Variants in LRP1B observed in about 807,000 individuals in gnomAD.
LRP1B encodes low-density lipoprotein receptor-related protein 1B.
In LRP1B, 217 loss-of-function variants were observed where a neutral mutation model predicts 556.6. The observed-to-expected ratio is 0.39, with a 90% CI of 0.35 to 0.44. LRP1B has a LOEUF of 0.44. Among genes scored for constraint, LRP1B ranks in the 20% least tolerant of loss-of-function variants. The pLI is 1.00. For synonymous variants in LRP1B, 2,047 were observed against 1,865.8 expected (o/e 1.10, Z -2.50); for missense variants, 5,053 against 5,620.8 (o/e 0.90, Z 3.23).
At chr2:141,426,015 T>C (rs1447162722) in intron 3 of LRP1B, among the ~76,000 whole-genome samples, 1 of 151,630 alleles carries the variant, frequency 6.6e-6, no homozygotes, top group Non-Finnish European at 1.5e-5. Context: ...TCCTGAATGG[T>C]AATGCCTAGG....
intron 2 of LRP1B, among the ~76,000 whole-genome samples, chr2:141,725,918 T>C (rs1488568685): frequency 1.3e-5 from 2 of 151,868 alleles, no homozygotes; most frequent in Non-Finnish European, 2.9e-5. Context: ...AATTTCTACT[T>C]TGCAAATTGA....
At chr2:141,945,754 T>C (rs1000573366) in intron 1 of LRP1B, among the ~76,000 whole-genome samples, 1 of 147,592 alleles carries the variant, frequency 6.8e-6, no homozygotes, top group African/African-American at 2.4e-5. Flanking sequence ...CAGAAATCAA[T>C]GCACTTCATC....
chr2:140,557,801 C>T (rs1680787770), intron 43 of LRP1B, among the ~76,000 whole-genome samples: 1 of 152,116 alleles, frequency 6.6e-6, no homozygotes, highest in South Asian at 2.1e-4. Context: ...TCTTGAGTTC[C>T]CTATTGCAGC....
chr2:141,045,434 A>T (rs188196099), intron 11 of LRP1B, among the ~76,000 whole-genome samples: 455 of 87,964 alleles, frequency 5.2e-3, no homozygotes, highest in African/African-American at 0.013. Flanking sequence ...AAAAATAAAT[A>T]AATTAATTAA....
intron 7 of LRP1B, among the ~76,000 whole-genome samples, chr2:141,174,363 G>C (rs746687706): frequency 1.4e-4 from 21 of 152,040 alleles, no homozygotes; most frequent in Non-Finnish European, 2.4e-4. Flanking sequence ...GTTTGGCTCT[G>C]TGTCTCCACC....
At chr2:141,459,248 T>TTG in intron 3 of LRP1B, among the ~76,000 whole-genome samples, 1 of 152,218 alleles carries the variant, frequency 6.6e-6, no homozygotes, top group South Asian at 2.1e-4. Context: ...CACACGTGTA[T>TTG]GTATATGTGT....
intron 1 of LRP1B, among the ~76,000 whole-genome samples, chr2:141,937,234 G>A (rs750788370): frequency 4.6e-5 from 7 of 151,660 alleles, no homozygotes; most frequent in African/African-American, 1.2e-4. Flanking sequence ...AAAATTAGCC[G>A]GGTGTGGTGG....
intron 35 of LRP1B, among the ~76,000 whole-genome samples, chr2:140,751,001 T>C (rs1195560602): frequency 6.8e-6 from 1 of 148,130 alleles, no homozygotes; most frequent in Non-Finnish European, 1.5e-5. Context: ...CTTTTTTTTT[T>C]TTTTTTTTGA....
intron 3 of LRP1B, among the ~76,000 whole-genome samples, chr2:141,313,440 T>C (rs187734935): frequency 2.0e-5 from 3 of 152,254 alleles, no homozygotes; most frequent in Admixed American, 6.5e-5. Flanking sequence ...GGGTGCAAAA[T>C]AAAATGGAGA....
At chr2:141,067,666 G>A (rs895048702) in intron 7 of LRP1B, among the ~76,000 whole-genome samples, 1 of 151,940 alleles carries the variant, frequency 6.6e-6, no homozygotes, top group African/African-American at 2.4e-5. Context: ...ATGCGCAGTA[G>A]CATAATACCA....
intron 2 of LRP1B, among the ~76,000 whole-genome samples, chr2:141,553,728 A>C (rs1212584251): frequency 1.2e-4 from 2 of 17,372 alleles, no homozygotes; most frequent in Admixed American, 3.1e-3. Flanking sequence ...ATATATCTAT[A>C]TAATATATTA....
chr2:140,629,832 T>C (rs1683814110), intron 41 of LRP1B, among the ~76,000 whole-genome samples: 1 of 152,204 alleles, frequency 6.6e-6, no homozygotes, highest in South Asian at 2.1e-4. Flanking sequence ...GATTTTGCAA[T>C]TTAATATTTT....
chr2:141,544,722 G>T (rs971943468), intron 2 of LRP1B, among the ~76,000 whole-genome samples: 1 of 151,908 alleles, frequency 6.6e-6, no homozygotes, highest in Non-Finnish European at 1.5e-5. Context: ...CTGGAGTGCA[G>T]TGGGATGATC....
chr2:141,924,406 G>A (rs750805275), intron 1 of LRP1B, among the ~76,000 whole-genome samples: 1 of 152,056 alleles, frequency 6.6e-6, no homozygotes, highest in Non-Finnish European at 1.5e-5. Context: ...ACCTCACATT[G>A]ATCCTTCAAG....
rs552261924 is a variant in LRP1B, at chr2:141,199,933, C to T, written c.851-11350G>A. 2.0e-3 allele frequency among the ~76,000 whole-genome samples: 297 copies of T among 152,036 alleles called. 2 individuals are homozygous for T. Among genetic ancestry groups the T allele is most frequent in the African/African-American group, 6.7e-3 (278 of 41,494 alleles). ...AAAAGACAAAAAATAACATATGCTT[C>T]CAAGGCTTCAGATAAAAAAGGAACA... On this transcript the variant is annotated intron_variant, in intron 6 of 90. Transcript: ENST00000389484.
intron 41 of LRP1B, among the ~76,000 whole-genome samples, chr2:140,676,133 A>G (rs1685664057): frequency 6.6e-6 from 1 of 152,200 alleles, no homozygotes; most frequent in African/African-American, 2.4e-5. Flanking sequence ...TGTTACTGGA[A>G]CATTCCTGGG....
At chr2:140,436,158 A>T (rs2105291459) in intron 66 of LRP1B, among the ~76,000 whole-genome samples, 1 of 152,310 alleles carries the variant, frequency 6.6e-6, no homozygotes, top group African/African-American at 2.4e-5. Context: ...TAATAATAGT[A>T]CAAAAAATCT....
chr2:141,890,360 C>G (rs79401201), intron 1 of LRP1B, among the ~76,000 whole-genome samples: 1 of 127,692 alleles, frequency 7.8e-6, no homozygotes, highest in Admixed American at 8.0e-5. Context: ...ATGTATTGTG[C>G]ATATATATAT....
At chr2:140,357,378 T>TA (rs917899555) in intron 74 of LRP1B, among the ~76,000 whole-genome samples, 51 of 147,476 alleles carry the variant, frequency 3.5e-4, no homozygotes, top group African/African-American at 4.0e-4. Flanking sequence ...ATGCATAAAT[T>TA]AAAAAAAAAA....
Sources: allele counts gnomAD v4.1 joint callset (sites outside exome capture counted in the v4.1 genomes callset), GRCh38; gene constraint gnomAD v4.1.1; transcripts MANE v1.5; gene names NCBI Gene and HGNC (gene_info 2026-07-23, HGNC 2026-07-21).